PFDN2: variants seen among roughly 807,000 people sequenced by gnomAD.
PFDN2 encodes the protein prefoldin subunit 2, also known as prefoldin 2.
Under a neutral mutation model 18.3 loss-of-function variants are expected in PFDN2, and 7 were observed. The ratio of observed to expected loss-of-function variants is 0.38; its 90% confidence interval spans 0.22 to 0.72. The LOEUF (loss-of-function observed/expected upper bound fraction) is 0.72. PFDN2 is among the 30% of genes least tolerant of loss of function. PFDN2 has a pLI of 0.47. For synonymous variants in PFDN2, 76 were observed against 75.0 expected, an observed-to-expected ratio of 1.01 and a Z score of -0.07; for missense variants, 181 against 199.1, an observed-to-expected ratio of 0.91 and a Z score of 0.55.
intron 1 of PFDN2, among the ~76,000 whole-genome samples, chr1:161,106,126 A>G (rs1200172758): frequency 6.6e-6 from 1 of 152,082 alleles, no homozygotes; most frequent in Non-Finnish European, 1.5e-5. Context: ...TGGTTCTTTA[A>G]AAGTATGACA....
intron 1 of PFDN2, among the ~76,000 whole-genome samples, chr1:161,107,418 C>T (rs1367083956): frequency 9.1e-6 from 1 of 109,700 alleles, no homozygotes; most frequent in Non-Finnish European, 1.8e-5. Flanking sequence ...GAGCGAGACT[C>T]TGTCTCAAAA....
intron 2 of PFDN2, 47 bp downstream of exon 2, chr1:161,102,240 T>C: frequency 6.2e-7 from 1 of 1,612,528 alleles, no homozygotes; most frequent in Non-Finnish European, 8.5e-7. Flanking sequence ...CCTCACGGAG[T>C]AGCCCACACA....
intron 2 of PFDN2, 30 bp from the exon 3 acceptor site, chr1:161,102,201 G>A (rs760835482): frequency 6.2e-7 from 1 of 1,614,004 alleles, no homozygotes; most frequent in Admixed American, 1.7e-5. Flanking sequence ...CAGGACCTGA[G>A]GATTCAGCCC....
intron 1 of PFDN2, among the ~76,000 whole-genome samples, chr1:161,114,791 C>T (rs915062513): frequency 9.2e-5 from 14 of 152,070 alleles, no homozygotes; most frequent in Non-Finnish European, 1.8e-4. Context: ...TGCTCTTAGC[C>T]ACCCTACTAT....
chr1:161,102,210 C>T, intron 2 of PFDN2, 39 bp from the exon 3 acceptor site: 2 of 1,613,928 alleles, frequency 1.2e-6, no homozygotes, highest in South Asian at 1.1e-5. Context: ...AGGATTCAGC[C>T]CCACTCTACT....
chr1:161,112,261 C>T (rs1014238907), intron 1 of PFDN2, among the ~76,000 whole-genome samples: 1 of 152,112 alleles, frequency 6.6e-6, no homozygotes, highest in African/African-American at 2.4e-5. Flanking sequence ...TATCATATAA[C>T]AAGTTTTCAA....
intron 3 of PFDN2, among the ~76,000 whole-genome samples, chr1:161,101,718 C>T (rs1165557399): frequency 1.3e-5 from 2 of 152,180 alleles, no homozygotes; most frequent in African/African-American, 4.8e-5. Flanking sequence ...CTAAGAGTTG[C>T]ACTTAGCATA....
chr1:161,117,932 T>A lies in PFDN2; in HGVS notation c.75+20A>T. Reference sequence around the variant, plus strand: ...TCCAGACCCAGGTGGGTACCCTGCTTCGCGTTAGCCACTCCTCACCTGCTC... The same window carrying A: ...TCCAGACCCAGGTGGGTACCCTGCTACGCGTTAGCCACTCCTCACCTGCTC... On this transcript the variant is annotated intron_variant, in intron 1 of 3. Transcript: ENST00000368010. The A allele has an allele frequency of 1.9e-6, 3 of 1,598,498 alleles. No individual in the cohort carries two copies. The highest frequency in any genetic ancestry group is 2.6e-6 in the Non-Finnish European group (3 of 1,170,740).
chr1:161,108,034 G>C (rs1390065726), intron 1 of PFDN2, among the ~76,000 whole-genome samples: 1 of 148,808 alleles, frequency 6.7e-6, no homozygotes, highest in East Asian at 2.0e-4. Context: ...AGAATCGCTT[G>C]AACCCAGGAG....
intron 1 of PFDN2, among the ~76,000 whole-genome samples, chr1:161,112,842 T>C (rs986683560): frequency 6.6e-6 from 1 of 151,350 alleles, no homozygotes; most frequent in Admixed American, 6.6e-5. Context: ...CTATTAGGCT[T>C]AAAAAACAGA....
At chr1:161,109,522 A>C (rs1221869392) in intron 1 of PFDN2, among the ~76,000 whole-genome samples, 1 of 152,210 alleles carries the variant, frequency 6.6e-6, no homozygotes, top group Non-Finnish European at 1.5e-5. Flanking sequence ...TTTCTTTCAT[A>C]GTCCTACTAT....
At chr1:161,103,683 C>CAAAAAAAAAAAAAAAAAA (rs553472563) in intron 1 of PFDN2, among the ~76,000 whole-genome samples, 3 of 74,918 alleles carry the variant, frequency 4.0e-5, no homozygotes, top group South Asian at 5.7e-4. Flanking sequence ...GACTCCGTCT[C>CAAAAAAAAAAAAAAAAAA]AAAAAAAAAA....
chr1:161,112,423 T>C (rs1423640830), intron 1 of PFDN2, among the ~76,000 whole-genome samples: 2 of 152,196 alleles, frequency 1.3e-5, no homozygotes, highest in Admixed American at 1.3e-4. Flanking sequence ...CTTAGTTTCA[T>C]CTTTTGTTTT....
intron 1 of PFDN2, among the ~76,000 whole-genome samples, chr1:161,112,601 A>G (rs895292247): frequency 6.6e-6 from 1 of 152,162 alleles, no homozygotes; most frequent in Non-Finnish European, 1.5e-5. Context: ...ACCCAGGTTC[A>G]TCTTTGAACA....
At chr1:161,101,184 T>C (rs1654549587) in intron 3 of PFDN2, among the ~76,000 whole-genome samples, 1 of 151,866 alleles carries the variant, frequency 6.6e-6, no homozygotes, top group African/African-American at 2.4e-5. Context: ...CTTATTTTTA[T>C]TTTTTCATTT....
At chr1:161,110,804 C>A (rs1654788062) in intron 1 of PFDN2, among the ~76,000 whole-genome samples, 1 of 151,502 alleles carries the variant, frequency 6.6e-6, no homozygotes, top group African/African-American at 2.4e-5. Flanking sequence ...AGTACTCATC[C>A]CTTCTCTTCA....
chr1:161,109,781 GC>G (rs1654761924), intron 1 of PFDN2, among the ~76,000 whole-genome samples: 1 of 152,180 alleles, frequency 6.6e-6, no homozygotes, highest in African/African-American at 2.4e-5. Context: ...ATCACTTCAG[GC>G]CAGGAGTTCG....
chr1:161,101,154 G>A (rs542674458), intron 3 of PFDN2, among the ~76,000 whole-genome samples: 2 of 151,932 alleles, frequency 1.3e-5, no homozygotes, highest in Non-Finnish European at 2.9e-5. Flanking sequence ...CTCCCAAAGC[G>A]CTAGGAATAC....
At chr1:161,102,841 C>T (rs1654595638) in intron 1 of PFDN2, among the ~76,000 whole-genome samples, 1 of 151,890 alleles carries the variant, frequency 6.6e-6, no homozygotes, top group Admixed American at 6.6e-5. Flanking sequence ...GCCTGTAGTC[C>T]CAGCTACTTG....
Sources: gnomAD v4.1 joint callset for allele counts (sites outside exome capture counted in the v4.1 genomes callset) on GRCh38, gnomAD v4.1.1 for gene constraint, MANE v1.5 for transcripts, NCBI Gene and HGNC (gene_info 2026-07-23, HGNC 2026-07-21) for gene names.